FBN1: variants seen among roughly 807,000 people sequenced by gnomAD.
FBN1 encodes fibrillin-1.
FBN1 carries 29 observed loss-of-function variants against 365.1 expected under a neutral mutation model. The ratio of observed to expected loss-of-function variants is 0.08; its 90% CI spans 0.06 to 0.11. FBN1 has a LOEUF of 0.11. FBN1 is among the 10% of genes least tolerant of loss of function. The pLI, the probability that FBN1 is intolerant of heterozygous loss-of-function variation, is 1.00. For missense variants in FBN1, 2,476 were observed against 3,703.2 expected (o/e 0.67, Z 8.60); for synonymous variants, 1,210 against 1,270.5 (o/e 0.95, Z 1.01).
intron 6 of FBN1, among the ~76,000 whole-genome samples, chr15:48,578,772 C>T (rs1244618599): frequency 7.0e-6 from 1 of 142,020 alleles, no homozygotes; most frequent in African/African-American, 2.6e-5. Context: ...AACCAAACAC[C>T]GCATATTCTC....
chr15:48,630,042 T>C (rs1006720157), intron 2 of FBN1, among the ~76,000 whole-genome samples: 7 of 152,206 alleles, frequency 4.6e-5, no homozygotes, highest in African/African-American at 1.7e-4. Context: ...CTAAATAAGG[T>C]TACAGTTCAC....
At chr15:48,412,344 T>C (rs532246556) in intron 65 of FBN1, among the ~76,000 whole-genome samples, 1 of 152,184 alleles carries the variant, frequency 6.6e-6, no homozygotes, top group South Asian at 2.1e-4. Flanking sequence ...ACAGAGGAAA[T>C]GAGCAAGTAT....
chr15:48,609,919 C>T (rs1485458800), intron 4 of FBN1, among the ~76,000 whole-genome samples: 1 of 152,164 alleles, frequency 6.6e-6, no homozygotes, highest in Non-Finnish European at 1.5e-5. Flanking sequence ...TTGCAGTAAA[C>T]AAAAGAGAAT....
chr15:48,622,022 G>A (rs1349024196), intron 2 of FBN1, among the ~76,000 whole-genome samples: 3 of 151,552 alleles, frequency 2.0e-5, no homozygotes, highest in Non-Finnish European at 4.4e-5. Flanking sequence ...GAAAAAAATT[G>A]GTTCATTAAT....
chr15:48,431,603 C>T (rs1349279770), intron 55 of FBN1, among the ~76,000 whole-genome samples: 1 of 151,598 alleles, frequency 6.6e-6, no homozygotes, highest in African/African-American at 2.4e-5. Context: ...GAGTAACAAA[C>T]CAAAGCTTAC....
chr15:48,644,834 G>A lies in FBN1; in HGVS notation c.-65C>T, dbSNP rs958048020. ...GCCCGGGGCTCGGTCTGCGGCCGCC[G>A]CTGCGCCCTGAAGCGCACCGCGCCG... On this transcript the variant is annotated 5_prime_UTR_variant, in exon 2 of 66. Transcript: ENST00000316623. 2.6e-6 allele frequency: 4 copies of A among 1,522,126 alleles called. No homozygotes were observed. The highest frequency in any genetic ancestry group is 3.5e-6 in the Non-Finnish European group (4 of 1,135,572). The allele number at this position is 1,522,126 out of a possible 1,614,324, so 94.3% of individuals were successfully genotyped here.
intron 63 of FBN1, among the ~76,000 whole-genome samples, chr15:48,418,014 G>T (rs983581758): frequency 2.0e-5 from 3 of 152,200 alleles, no homozygotes; most frequent in African/African-American, 7.2e-5. Flanking sequence ...GTATATGAGG[G>T]GGAAGACTTG....
chr15:48,423,478 G>A (rs886274710), intron 60 of FBN1, among the ~76,000 whole-genome samples: 3 of 152,294 alleles, frequency 2.0e-5, no homozygotes, highest in Admixed American at 2.0e-4. Context: ...CAGAGTCTGT[G>A]GACTGGTTTC....
chr15:48,446,256 A>G (rs931711829), intron 47 of FBN1, among the ~76,000 whole-genome samples: 4 of 152,174 alleles, frequency 2.6e-5, no homozygotes, highest in African/African-American at 7.2e-5. Flanking sequence ...GCTACCCAAA[A>G]ATAGGTGAGT....
rs1447763600 is a variant in FBN1, at chr15:48,644,527, A to G, written c.164+79T>C. The G allele has an allele frequency of 1.9e-6, 3 of 1,601,370 alleles. No homozygotes were observed. In the Admixed American group the frequency reaches 5.0e-5, roughly 27 times the overall value. ...GAGGTCTTGCCAAGGAGTCTTCCAC[A>G]GGGAGAGTCATCCTGCCCGTTGTTC... On this transcript the variant is annotated intron_variant, in intron 2 of 65. Coordinates refer to ENST00000316623, the MANE Select transcript of FBN1 (RefSeq NM_000138.5).
chr15:48,418,527 C>T (rs1218942800), intron 63 of FBN1, among the ~76,000 whole-genome samples: 1 of 152,186 alleles, frequency 6.6e-6, no homozygotes, highest in African/African-American at 2.4e-5. Context: ...TGTTTGTGCA[C>T]TCGCCCTTTT....
chr15:48,569,074 A>G (rs558537839), intron 6 of FBN1, among the ~76,000 whole-genome samples: 1 of 152,220 alleles, frequency 6.6e-6, no homozygotes, highest in Admixed American at 6.5e-5. Context: ...CTGGAAGAAA[A>G]TATTTCCAAT....
chr15:48,411,924 T>C (rs2141210783), intron 65 of FBN1, among the ~76,000 whole-genome samples: 1 of 152,366 alleles, frequency 6.6e-6, no homozygotes, highest in African/African-American at 2.4e-5. Flanking sequence ...CATCTTCTCC[T>C]AAGGACACAC....
chr15:48,494,417 AG>A (rs373497374), intron 22 of FBN1, among the ~76,000 whole-genome samples, 163 bp from the exon 23 acceptor site: 20 of 152,366 alleles, frequency 1.3e-4, no homozygotes, highest in African/African-American at 4.8e-4. Context: ...GCGATTGCAT[AG>A]GTGAGGAAGA....
intron 38 of FBN1, 62 bp downstream of exon 38, chr15:48,467,876 T>C (rs2043335707): frequency 6.8e-7 from 1 of 1,464,454 alleles, no homozygotes. Flanking sequence ...GTTTGTCTTC[T>C]GATCTAGAAA....
chr15:48,525,795 C>T lies in FBN1; in HGVS notation c.988+335G>A, dbSNP rs188576746. On this transcript the variant is annotated intron_variant, in intron 9 of 65. Transcript: ENST00000316623. ...AATTCAGGCCAAATTAACATAGGTTCTGGGGAATGACTGAAGGTGGGGGTA... is the reference window on the plus strand; with the variant it reads ...AATTCAGGCCAAATTAACATAGGTTTTGGGGAATGACTGAAGGTGGGGGTA... 2.2e-3 allele frequency among the ~76,000 whole-genome samples: 332 copies of T among 152,200 alleles called. 1 individual carries two copies. The highest frequency in any genetic ancestry group is 6.8e-3 in the Middle Eastern group (2 of 294).
chr15:48,494,656 C>T (rs1330919431), intron 22 of FBN1, among the ~76,000 whole-genome samples: 1 of 152,192 alleles, frequency 6.6e-6, no homozygotes, highest in Non-Finnish European at 1.5e-5. Flanking sequence ...CCAGCATTCA[C>T]ATAAATTTAC....
intron 6 of FBN1, among the ~76,000 whole-genome samples, chr15:48,581,774 A>T (rs2044394057): frequency 6.6e-6 from 1 of 152,162 alleles, no homozygotes; most frequent in Admixed American, 6.6e-5. Flanking sequence ...GTTAATAATA[A>T]CAAAAGGTAA....
chr15:48,640,024 T>C (rs1008293994), intron 2 of FBN1, among the ~76,000 whole-genome samples: 8 of 152,210 alleles, frequency 5.3e-5, no homozygotes, highest in African/African-American at 1.7e-4. Context: ...AGTATAATAC[T>C]ATAATTTTTA....
Sources: allele counts gnomAD v4.1 joint callset (sites outside exome capture counted in the v4.1 genomes callset), GRCh38; gene constraint gnomAD v4.1.1; transcripts MANE v1.5; gene names NCBI Gene and HGNC (gene_info 2026-07-23, HGNC 2026-07-21).